Variants in LARS1 observed in about 807,000 individuals in gnomAD.
The protein encoded by LARS1 is leucyl-tRNA synthetase 1.
LARS1 carries 100 observed loss-of-function variants against 162.8 expected under a neutral mutation model. That is an observed-to-expected ratio of 0.61 (90% CI 0.52 to 0.73). The LOEUF (loss-of-function observed/expected upper bound fraction) is 0.73. LARS1 is among the 30% of genes least tolerant of loss of function. LARS1 has a pLI of 0.00. For missense variants in LARS1, 1,258 were observed against 1,408.9 expected, an observed-to-expected ratio of 0.89 and a Z score of 1.71; for synonymous variants, 457 against 462.8, an observed-to-expected ratio of 0.99 and a Z score of 0.16.
intron 4 of LARS1, among the ~76,000 whole-genome samples, chr5:146,171,523 A>C (rs1435416198): frequency 6.6e-6 from 1 of 152,178 alleles, no homozygotes; most frequent in Non-Finnish European, 1.5e-5. Flanking sequence ...ACAAATGAAG[A>C]TATTTGCAAA....
chr5:146,169,710 G>A lies in LARS1; in HGVS notation c.295-1445C>T, dbSNP rs146386389. Among the ~76,000 whole-genome samples the A allele has an allele frequency of 1.8e-3, 279 of 151,962 alleles. 5 individuals carry two copies. In the East Asian group the frequency reaches 0.05, roughly 27 times the overall value. On this transcript the variant is annotated intron_variant, in intron 4 of 31. Transcript: ENST00000394434. ...ATTACAGGCACCTGCCACCACGCCC[G>A]GCTAATTTTTGTATTTTTAGTAGAG...
intron 2 of LARS1, among the ~76,000 whole-genome samples, chr5:146,176,086 A>C (rs1754549116): frequency 1.3e-5 from 2 of 152,138 alleles, no homozygotes; most frequent in Non-Finnish European, 2.9e-5. Flanking sequence ...CGGGAGTTTG[A>C]AGTTACAGTG....
At chr5:146,137,067 T>C (rs987547327) in intron 21 of LARS1, among the ~76,000 whole-genome samples, 8 of 152,160 alleles carry the variant, frequency 5.3e-5, no homozygotes, top group Non-Finnish European at 1.0e-4. Context: ...CAGCTAATTT[T>C]TTGTACTTTT....
intron 18 of LARS1, 148 bp from the exon 19 acceptor site, chr5:146,143,698 G>T: frequency 1.2e-6 from 1 of 803,200 alleles, no homozygotes; most frequent in Non-Finnish European, 1.9e-6. Flanking sequence ...AAATAAAATT[G>T]TAGATAAAAG....
rs752257358 is a variant in LARS1 at position 146,144,611 on chromosome 5, A to G, written c.1589+13T>C. On this transcript the variant is annotated intron_variant, in intron 16 of 31. Transcript: ENST00000394434. ...AATTGACTAGGGGAATTTTCTTGCTATAAGAGACTAACCACTGGTCACACA... is the reference window on the plus strand; with the variant it reads ...AATTGACTAGGGGAATTTTCTTGCTGTAAGAGACTAACCACTGGTCACACA... 1.7e-5 allele frequency: 27 copies of G among 1,613,898 alleles called. No homozygotes were observed. Among genetic ancestry groups the G allele is most frequent in the Non-Finnish European group, 2.1e-5 (25 of 1,179,882 alleles).
intron 20 of LARS1, 187 bp downstream of exon 20, chr5:146,142,685 A>G: frequency 1.9e-6 from 1 of 539,834 alleles, no homozygotes; most frequent in South Asian, 2.5e-5. Flanking sequence ...TGGGGTAGGT[A>G]TGTGGATTTC....
In LARS1 at chr5:146,174,473, T is replaced by TATATATATCC. The variant is rs1561497786; in HGVS notation, c.126-1700_126-1699insGGATATATAT. ...ATATATATATATATATCCATATATA[T>TATATATATCC]ATATATATATCCATATATATATATA... is the stretch of plus-strand genomic sequence containing the variant. On this transcript the variant is annotated intron_variant, in intron 2 of 31. Transcript: ENST00000394434. Among the ~76,000 whole-genome samples the TATATATATCC allele has an allele frequency of 1.3e-3, 16 of 12,184 alleles. 1 individual carries two copies. The highest frequency in any genetic ancestry group is 4.3e-3 in the African/African-American group (16 of 3,736). The allele number at this position is 12,184 out of a possible 152,430, so 8.0% of individuals were successfully genotyped here.
chr5:146,138,979 G>A (rs111972032), intron 21 of LARS1: 4 of 375,464 alleles, frequency 1.1e-5, no homozygotes, highest in South Asian at 4.3e-5. Context: ...ACACAGAATC[G>A]GAGTGATGCT....
At chr5:146,143,649 A>G in intron 18 of LARS1, 99 bp from the exon 19 acceptor site, 1 of 1,073,552 alleles carries the variant, frequency 9.3e-7, no homozygotes, top group Non-Finnish European at 1.3e-6. Context: ...AAAGCTACTT[A>G]TTTAGGAAGC....
chr5:146,181,537 C>T (rs1290411397), intron 1 of LARS1, among the ~76,000 whole-genome samples: 1 of 151,944 alleles, frequency 6.6e-6, no homozygotes, highest in Non-Finnish European at 1.5e-5. Context: ...GCTTGCAGTA[C>T]CAGCTGTGGG....
chr5:146,174,393 C>T (rs1242339412), intron 2 of LARS1, among the ~76,000 whole-genome samples: 2 of 142,994 alleles, frequency 1.4e-5, no homozygotes, highest in Admixed American at 7.4e-5. Context: ...TGCGGTGAGC[C>T]GAGATCACAC....
At chr5:146,122,629 A>ATGC in intron 29 of LARS1, 42 bp from the exon 30 acceptor site, 1 of 1,099,170 alleles carries the variant, frequency 9.1e-7, no homozygotes, top group Non-Finnish European at 1.4e-6. Flanking sequence ...GTATCACTTA[A>ATGC]TGTGATTCAA....
chr5:146,132,988 G>A lies in LARS1; in HGVS notation c.2306C>T (p.Thr769Ile). The A allele has an allele frequency of 6.2e-7, 1 of 1,614,048 alleles. No individual in the cohort carries two copies. Among genetic ancestry groups the A allele is most frequent in the East Asian group, 2.2e-5 (1 of 44,878 alleles). The change falls in exon 23 of 32, where the codon ACC becomes ATC. Residue 769 changes from threonine to isoleucine, a missense_variant. Thr to Ile is a moderately conservative substitution (Grantham distance 89). Coordinates refer to ENST00000394434, the MANE Select transcript of LARS1 (RefSeq NM_020117.11). Reference protein sequence around the residue: ...MADAGILRLYTWVEWVKEMVA... With the variant: ...MADAGILRLYIWVEWVKEMVA... ...CATTTCTTTCACCCACTCTACCCAG[G>A]TGTACAGACGGAGAATACCTGCATC...
At chr5:146,162,938 T>C (rs1037532852) in intron 6 of LARS1, among the ~76,000 whole-genome samples, 1 of 152,194 alleles carries the variant, frequency 6.6e-6, no homozygotes, top group Non-Finnish European at 1.5e-5. Context: ...GCTTCCCAAG[T>C]AGCTGGGATT....
chr5:146,142,987 T>G lies in LARS1; in HGVS notation c.1975A>C (p.Lys659Gln). The change falls in exon 20 of 32, where the codon AAG becomes CAG. Residue 659 changes from lysine (K) to glutamine (Q), a missense_variant. Lys to Gln is a moderately conservative substitution (Grantham distance 53). Transcript: ENST00000394434. ...QIAKEKLDQL[K>Q]QEFEFWYPVD... The stretch of plus-strand genomic sequence containing the variant: ...GGATACCAGAATTCAAACTCCTGCT[T>G]TAACTGATCTAATTTTTCCTTTGCA... The G allele has an allele frequency of 6.2e-7, 1 of 1,613,930 alleles. No homozygotes were observed. Among genetic ancestry groups the G allele is most frequent in the Non-Finnish European group, 8.5e-7 (1 of 1,179,822 alleles).
chr5:146,122,063 T>C (rs1342436552), intron 30 of LARS1, among the ~76,000 whole-genome samples: 2 of 152,048 alleles, frequency 1.3e-5, no homozygotes, highest in African/African-American at 4.8e-5. Flanking sequence ...AAAAAGCTAT[T>C]CCAGCATAAC....
intron 20 of LARS1, among the ~76,000 whole-genome samples, chr5:146,142,228 C>A (rs111318877): frequency 1.3e-5 from 2 of 152,026 alleles, no homozygotes; most frequent in African/African-American, 4.8e-5. Flanking sequence ...GCAGAGGATG[C>A]AGCAAGCTGA....
chr5:146,143,275 C>A, intron 19 of LARS1, 137 bp downstream of exon 19: 1 of 1,125,806 alleles, frequency 8.9e-7, no homozygotes, highest in African/African-American at 1.5e-5. Flanking sequence ...TAATTTTTCC[C>A]AGTTCAATAG....
chr5:146,179,245 T>C (rs548926373), intron 1 of LARS1, among the ~76,000 whole-genome samples: 6 of 152,220 alleles, frequency 3.9e-5, no homozygotes, highest in African/African-American at 1.4e-4. Context: ...CACTGAAACC[T>C]CCATCTCTGG....
Sources: gnomAD v4.1 joint callset for allele counts (sites outside exome capture counted in the v4.1 genomes callset) on GRCh38, gnomAD v4.1.1 for gene constraint, MANE v1.5 for transcripts, NCBI Gene and HGNC (gene_info 2026-07-23, HGNC 2026-07-21) for gene names.